Variants in RBFOX1 observed in about 807,000 individuals in gnomAD.
The protein encoded by RBFOX1 is RNA binding protein fox-1 homolog 1.
Under a neutral mutation model 57.7 loss-of-function variants are expected in RBFOX1, and 8 were observed. The ratio of observed to expected loss-of-function variants is 0.14; its 90% CI spans 0.08 to 0.25. The LOEUF is 0.25. Ranked by LOEUF, RBFOX1 falls within the 10% of genes least tolerant of loss-of-function variation. RBFOX1 has a pLI of 1.00. For missense variants in RBFOX1, 611 were observed against 548.5 expected (o/e 1.11, Z -1.14); for synonymous variants, 326 against 222.4 (o/e 1.47, Z -4.15).
In RBFOX1 at chr16:7,041,603, C is replaced by T. The variant is rs149742206; in HGVS notation, c.-15-10454C>T. ...GGAAGTTCTACATAGTGATAACTGC[C>T]AGCTGCCCCCTCGAAACAGTCAGTA... On this transcript the variant is annotated intron_variant, in intron 3 of 15. Transcript: ENST00000550418. Among the ~76,000 whole-genome samples, 55 of 152,202 alleles carry T rather than the reference C, an allele frequency of 3.6e-4. No homozygotes were observed. The East Asian group carries it at 9.5e-3, about 26-fold the overall frequency.
chr16:7,336,609 C>G (rs1313530254), intron 4 of RBFOX1, among the ~76,000 whole-genome samples: 7 of 152,230 alleles, frequency 4.6e-5, no homozygotes, highest in Non-Finnish European at 1.0e-4. Context: ...TAAACCCCAA[C>G]TATAAGACTA....
intron 4 of RBFOX1, among the ~76,000 whole-genome samples, chr16:7,280,945 T>TTCCCTCCCTCCC (rs1568014716): frequency 4.6e-5 from 6 of 130,238 alleles, no homozygotes; most frequent in African/African-American, 1.5e-4. Flanking sequence ...TTGCATGTGA[T>TTCCCTCCCTCCC]TCCCTACCTA....
chr16:6,487,855 C>T (rs1391266967), intron 2 of RBFOX1, among the ~76,000 whole-genome samples: 4 of 150,898 alleles, frequency 2.7e-5, no homozygotes, highest in Admixed American at 6.6e-5. Context: ...CCAAATCTCT[C>T]CCTGTTATTT....
chr16:5,849,407 G>T (rs1421160621), intron 3 of RBFOX1, among the ~76,000 whole-genome samples: 1 of 152,046 alleles, frequency 6.6e-6, no homozygotes, highest in Non-Finnish European at 1.5e-5. Flanking sequence ...AGGGGGATGT[G>T]TCTGGGGCAC....
chr16:7,595,899 T>G (rs957303265), intron 8 of RBFOX1, among the ~76,000 whole-genome samples: 3 of 151,024 alleles, frequency 2.0e-5, no homozygotes, highest in Non-Finnish European at 4.4e-5. Context: ...TCGGAAAGTG[T>G]TTTTTTGTTG....
At chr16:6,969,493 A>T (rs12921233) in intron 3 of RBFOX1, among the ~76,000 whole-genome samples, 5 of 151,972 alleles carry the variant, frequency 3.3e-5, no homozygotes, top group Non-Finnish European at 7.4e-5. Context: ...CCAGCACTTC[A>T]GGAGGCCAAC....
chr16:6,865,263 A>G (rs545556037), intron 3 of RBFOX1, among the ~76,000 whole-genome samples: 5 of 151,938 alleles, frequency 3.3e-5, no homozygotes, highest in African/African-American at 1.2e-4. Context: ...TTGGCCTCCC[A>G]CAGTACTGGG....
At chr16:6,682,410 T>C (rs568931046) in intron 3 of RBFOX1, among the ~76,000 whole-genome samples, 10 of 151,024 alleles carry the variant, frequency 6.6e-5, no homozygotes, top group African/African-American at 2.4e-4. Flanking sequence ...TTGTGAAGAC[T>C]AAAAAAAAAG....
chr16:5,667,858 G>A (rs1596664577), intron 3 of RBFOX1, among the ~76,000 whole-genome samples: 1 of 152,318 alleles, frequency 6.6e-6, no homozygotes, highest in African/African-American at 2.4e-5. Context: ...TTATAGTGAA[G>A]TGGGGATGAG....
intron 3 of RBFOX1, among the ~76,000 whole-genome samples, chr16:6,869,134 A>G (rs1253573330): frequency 1.3e-5 from 2 of 152,196 alleles, no homozygotes; most frequent in Non-Finnish European, 2.9e-5. Flanking sequence ...ATACTGGCTT[A>G]TGCATCTTGC....
At chr16:6,566,147 A>G (rs2097262720) in intron 2 of RBFOX1, among the ~76,000 whole-genome samples, 1 of 152,210 alleles carries the variant, frequency 6.6e-6, no homozygotes, top group Non-Finnish European at 1.5e-5. Flanking sequence ...CAAGACATTC[A>G]GCTATGCCTA....
chr16:7,616,007 C>G (rs879788103), intron 10 of RBFOX1, among the ~76,000 whole-genome samples: 49 of 152,178 alleles, frequency 3.2e-4, no homozygotes, highest in Non-Finnish European at 6.5e-4. Flanking sequence ...AATTTGAAGA[C>G]TTTCATGTAA....
intron 3 of RBFOX1, among the ~76,000 whole-genome samples, chr16:6,969,120 C>T (rs1044935591): frequency 2.6e-5 from 4 of 152,198 alleles, no homozygotes; most frequent in African/African-American, 4.8e-5. Context: ...AAGAGTACTG[C>T]GTGTGAACTT....
intron 14 of RBFOX1, among the ~76,000 whole-genome samples, chr16:7,689,416 A>C (rs1056728491): frequency 6.6e-6 from 1 of 152,136 alleles, no homozygotes; most frequent in South Asian, 2.1e-4. Context: ...AAGCAGCAGG[A>C]GGCGTGATTC....
chr16:7,225,742 T>A (rs1045108592), intron 4 of RBFOX1, among the ~76,000 whole-genome samples: 1 of 110,864 alleles, frequency 9.0e-6, no homozygotes, highest in African/African-American at 3.7e-5. Flanking sequence ...AAAATGTGAA[T>A]GTCAGACATT....
rs573124071 is a variant in RBFOX1, at chr16:6,623,893, C to T, written c.-63-30710C>T. Among the ~76,000 whole-genome samples, 32 of 152,150 alleles carry T rather than the reference C, an allele frequency of 2.1e-4. 1 individual carries two copies. Among genetic ancestry groups the T allele is most frequent in the African/African-American group, 4.8e-4 (20 of 41,494 alleles). ...AAGTCTTTGCTATTGTGAATAGTGC[C>T]GCAATAAACATGTGTGCATGTGTCT... On this transcript the variant is annotated intron_variant, in intron 2 of 15. Transcript: ENST00000550418.
intron 2 of RBFOX1, among the ~76,000 whole-genome samples, chr16:6,521,013 T>A (rs1215038979): frequency 6.6e-6 from 1 of 152,148 alleles, no homozygotes; most frequent in East Asian, 1.9e-4. Context: ...GGGTAATTTG[T>A]CAATTTATAT....
Position 5,579,760 on chromosome 16 carries a change from C to CTT in RBFOX1, c.259-19130_259-19129dup, listed in dbSNP as rs113942886. Among the ~76,000 whole-genome samples the CTT allele has an allele frequency of 7.9e-3, 1,139 of 144,406 alleles. 7 individuals are homozygous for CTT. Among genetic ancestry groups the CTT allele is most frequent in the Middle Eastern group, 0.036 (10 of 274 alleles). 94.7% of individuals were successfully genotyped at this position (144,406 alleles called of 152,430 possible). ...GCCCAGTTAATTCTTTTCTTTCTTT[C>CTT]TTTTTTTTTTTTTCCTTGAGAAGGA... On this transcript the variant is annotated intron_variant, in intron 2 of 2. Coordinates refer to the RBFOX1 transcript ENST00000585867.
At chr16:5,861,938 T>C (rs2057228722) in intron 3 of RBFOX1, among the ~76,000 whole-genome samples, 2 of 152,258 alleles carry the variant, frequency 1.3e-5, no homozygotes, top group East Asian at 1.9e-4. Context: ...ATGGAGGAGA[T>C]GCGTCTTATA....
Sources: allele counts gnomAD v4.1 joint callset (sites outside exome capture counted in the v4.1 genomes callset), GRCh38; gene constraint gnomAD v4.1.1; transcripts MANE v1.5; gene names NCBI Gene and HGNC (gene_info 2026-07-23, HGNC 2026-07-21).